Variants in PDGFC observed in about 807,000 individuals in gnomAD.
PDGFC encodes platelet derived growth factor C, also known as platelet-derived growth factor C.
In PDGFC, 12 loss-of-function variants were observed where a neutral mutation model predicts 35.5. The observed-to-expected ratio is 0.34, with a 90% CI of 0.22 to 0.55. PDGFC has a LOEUF of 0.55. Ranked by LOEUF, PDGFC falls within the 20% of genes least tolerant of loss-of-function variation. The probability of loss-of-function intolerance (pLI) is 0.91; values close to 1 mark genes in which losing one functional copy is unlikely to be tolerated. For synonymous variants in PDGFC, 159 were observed against 148.8 expected (o/e 1.07, Z -0.50); for missense variants, 322 against 412.4 (o/e 0.78, Z 1.90).
intron 1 of PDGFC, among the ~76,000 whole-genome samples, chr4:156,907,542 G>T (rs1317360954): frequency 6.6e-6 from 1 of 152,072 alleles, no homozygotes; most frequent in Non-Finnish European, 1.5e-5. Flanking sequence ...AGACATTGAG[G>T]GCCCCCCACT....
intron 1 of PDGFC, among the ~76,000 whole-genome samples, chr4:156,960,161 C>G (rs1469404887): frequency 5.3e-5 from 8 of 151,012 alleles, no homozygotes. Context: ...CTGCTATTTT[C>G]AGATTGCTGC....
At chr4:156,963,780 G>A (rs573072152) in intron 1 of PDGFC, among the ~76,000 whole-genome samples, 19 of 152,184 alleles carry the variant, frequency 1.2e-4, no homozygotes, top group African/African-American at 1.9e-4. Flanking sequence ...CAAAATTAGC[G>A]AATGCTACCA....
chr4:156,916,388 C>T (rs1579097693), intron 1 of PDGFC, among the ~76,000 whole-genome samples: 1 of 152,184 alleles, frequency 6.6e-6, no homozygotes, highest in African/African-American at 2.4e-5. Context: ...TCATACTGAG[C>T]ATCTCTCTGC....
intron 3 of PDGFC, among the ~76,000 whole-genome samples, chr4:156,782,533 A>G (rs1731010510): frequency 6.6e-6 from 1 of 152,130 alleles, no homozygotes; most frequent in Middle Eastern, 3.2e-3. Flanking sequence ...TTTTTAAATC[A>G]CTCTGTGACA....
chr4:156,887,015 A>T (rs1251245896), intron 1 of PDGFC, among the ~76,000 whole-genome samples: 1 of 152,222 alleles, frequency 6.6e-6, no homozygotes, highest in African/African-American at 2.4e-5. Flanking sequence ...ATATTTTATT[A>T]GAATTTTTGT....
At chr4:156,770,722 T>C (rs910415888) in intron 4 of PDGFC, 1 of 152,138 alleles carries the variant, frequency 6.6e-6, no homozygotes. Context: ...AAAATCATTA[T>C]TTTTAAATGC....
At chr4:156,922,331 A>ACATT (rs907989629) in intron 1 of PDGFC, among the ~76,000 whole-genome samples, 3 of 152,206 alleles carry the variant, frequency 2.0e-5, no homozygotes, top group African/African-American at 7.2e-5. Context: ...AAACATGGAA[A>ACATT]CATTCATTCA....
At position 156,970,989 on chromosome 4, in the gene PDGFC, G is replaced by T; in HGVS notation, c.-86C>A. ...TCTCTTTCACCACCGCCAGGGGAAGGCTGCACTGGGGTGGAAGCGCCGAGC... is the reference window on the plus strand; with the variant it reads ...TCTCTTTCACCACCGCCAGGGGAAGTCTGCACTGGGGTGGAAGCGCCGAGC... On this transcript the variant is annotated 5_prime_UTR_variant, in exon 1 of 6. Transcript: ENST00000502773. The T allele has an allele frequency of 3.6e-6, 3 of 835,696 alleles. No homozygotes were observed. Among genetic ancestry groups the T allele is most frequent in the Non-Finnish European group, 6.1e-6 (3 of 495,538 alleles). The allele number at this position is 835,696 out of a possible 1,614,324, so 51.8% of individuals were successfully genotyped here.
intron 1 of PDGFC, among the ~76,000 whole-genome samples, chr4:156,914,848 T>C (rs2110818428): frequency 6.7e-6 from 1 of 149,070 alleles, no homozygotes; most frequent in African/African-American, 2.5e-5. Context: ...TGATAGTATT[T>C]AGGAACCAGT....
chr4:156,825,590 T>TAAGAAG (rs1238405953), intron 2 of PDGFC, among the ~76,000 whole-genome samples: 1,266 of 78,046 alleles, frequency 0.016, 10 homozygotes, highest in Non-Finnish European at 0.019. Flanking sequence ...ATAATAATAA[T>TAAGAAG]AATAAGAAGA....
chr4:156,951,331 G>C (rs1732075695), intron 1 of PDGFC, among the ~76,000 whole-genome samples: 1 of 151,786 alleles, frequency 6.6e-6, no homozygotes, highest in African/African-American at 2.4e-5. Flanking sequence ...ATAGTTTAAA[G>C]AAAATTCATA....
chr4:156,937,555 A>C (rs1377175718), intron 1 of PDGFC, among the ~76,000 whole-genome samples: 1 of 151,450 alleles, frequency 6.6e-6, no homozygotes, highest in African/African-American at 2.5e-5. Context: ...CAAAAAATTC[A>C]TCTGGGCATG....
At chr4:156,769,886 G>T (rs544344976) in intron 4 of PDGFC, among the ~76,000 whole-genome samples, 1 of 152,104 alleles carries the variant, frequency 6.6e-6, no homozygotes, top group East Asian at 1.9e-4. Flanking sequence ...CTTAAAATAT[G>T]CACAAACACA....
intron 2 of PDGFC, among the ~76,000 whole-genome samples, chr4:156,841,692 GAC>G (rs1002222601): frequency 8.6e-5 from 13 of 151,818 alleles, no homozygotes; most frequent in Non-Finnish European, 1.3e-4. Flanking sequence ...TTTTGGTAGA[GAC>G]AGGGTTTTAC....
chr4:156,902,542 A>T (rs1730814743), intron 1 of PDGFC, among the ~76,000 whole-genome samples: 1 of 152,328 alleles, frequency 6.6e-6, no homozygotes, highest in South Asian at 2.1e-4. Context: ...ATGTTACATA[A>T]ATTCTATGAA....
intron 2 of PDGFC, among the ~76,000 whole-genome samples, chr4:156,843,538 C>T (rs115957692): frequency 0.016 from 2,436 of 152,252 alleles, 55 homozygotes; most frequent in African/African-American, 0.055. Flanking sequence ...CAGAAAGGAA[C>T]CATAGCATCT....
chr4:156,926,370 G>A (rs1375775152), intron 1 of PDGFC, among the ~76,000 whole-genome samples: 1 of 152,058 alleles, frequency 6.6e-6, no homozygotes, highest in Non-Finnish European at 1.5e-5. Flanking sequence ...AATGATACAG[G>A]AGGGGAGGAG....
chr4:156,830,151 A>G (rs1031298534), intron 2 of PDGFC, among the ~76,000 whole-genome samples: 2 of 152,138 alleles, frequency 1.3e-5, no homozygotes, highest in Non-Finnish European at 2.9e-5. Context: ...ATTTTTATAT[A>G]AAGTAGAATT....
At chr4:156,959,659 A>T (rs556419040) in intron 1 of PDGFC, among the ~76,000 whole-genome samples, 15 of 152,074 alleles carry the variant, frequency 9.9e-5, no homozygotes, top group African/African-American at 3.6e-4. Flanking sequence ...CGGCAGATAC[A>T]TTAAATAAGT....
Sources: gnomAD v4.1 joint callset for allele counts (sites outside exome capture counted in the v4.1 genomes callset) on GRCh38, gnomAD v4.1.1 for gene constraint, MANE v1.5 for transcripts, NCBI Gene and HGNC (gene_info 2026-07-23, HGNC 2026-07-21) for gene names.